CAMK2D: variants seen among roughly 807,000 people sequenced by gnomAD.
CAMK2D encodes calcium/calmodulin dependent protein kinase II delta.
In CAMK2D, 37 loss-of-function variants were observed where a neutral mutation model predicts 84.0. The ratio of observed to expected loss-of-function variants is 0.44; its 90% CI spans 0.34 to 0.58. The LOEUF (loss-of-function observed/expected upper bound fraction) is 0.58. Ranked by LOEUF, CAMK2D falls within the 20% of genes least tolerant of loss-of-function variation. The pLI, the probability that CAMK2D is intolerant of heterozygous loss-of-function variation, is 0.02. For missense variants in CAMK2D, 448 were observed against 652.5 expected (o/e 0.69, Z 3.41); for synonymous variants, 202 against 212.5 (o/e 0.95, Z 0.43).
chr4:113,745,668 C>T (rs923410808), intron 2 of CAMK2D, among the ~76,000 whole-genome samples: 40 of 152,116 alleles, frequency 2.6e-4, no homozygotes, highest in African/African-American at 9.4e-4. Flanking sequence ...ATGTTAAGCT[C>T]CCAAAGGTAT....
At chr4:113,619,071 C>T (rs952057790) in intron 3 of CAMK2D, among the ~76,000 whole-genome samples, 4 of 152,146 alleles carry the variant, frequency 2.6e-5, no homozygotes, top group African/African-American at 9.7e-5. Context: ...TCAAAGAACT[C>T]GTGATCGTCC....
At chr4:113,760,242 C>T (rs1157847112) in intron 1 of CAMK2D, among the ~76,000 whole-genome samples, 2 of 152,058 alleles carry the variant, frequency 1.3e-5, no homozygotes, top group African/African-American at 2.4e-5. Context: ...TTCTGCCAGT[C>T]GGGTGAAGGA....
intron 5 of CAMK2D, among the ~76,000 whole-genome samples, chr4:113,547,999 C>T (rs2154196205): frequency 6.6e-6 from 1 of 152,262 alleles, no homozygotes; most frequent in South Asian, 2.1e-4. Flanking sequence ...ATAAATTCTT[C>T]CAGGAAATAA....
At chr4:113,617,971 G>A (rs908976026) in intron 3 of CAMK2D, among the ~76,000 whole-genome samples, 2 of 151,588 alleles carry the variant, frequency 1.3e-5, no homozygotes, top group African/African-American at 4.9e-5. Context: ...AATATACACT[G>A]GGCCATGATA....
chr4:113,466,006 C>T (rs557950277), intron 16 of CAMK2D, among the ~76,000 whole-genome samples: 4 of 151,800 alleles, frequency 2.6e-5, no homozygotes, highest in East Asian at 3.9e-4. Context: ...AATCCCAGCA[C>T]TTTGGGAGGC....
At chr4:113,562,796 G>A (rs1393176037) in intron 4 of CAMK2D, among the ~76,000 whole-genome samples, 1 of 152,192 alleles carries the variant, frequency 6.6e-6, no homozygotes, top group Non-Finnish European at 1.5e-5. Flanking sequence ...TAATAGTTTG[G>A]TTCAATAAAT....
intron 2 of CAMK2D, among the ~76,000 whole-genome samples, chr4:113,733,168 T>C (rs947066554): frequency 1.3e-5 from 2 of 152,164 alleles, no homozygotes; most frequent in African/African-American, 4.8e-5. Context: ...TAATGACTAA[T>C]GGTGATATTC....
chr4:113,628,726 T>A lies in CAMK2D; in HGVS notation c.221-19520A>T, dbSNP rs1475815937. Among the ~76,000 whole-genome samples, 3 of 152,092 alleles carry A rather than the reference T, an allele frequency of 2.0e-5. No homozygotes were observed. The East Asian group carries it at 5.8e-4, about 29-fold the overall frequency. Reference sequence around the variant, plus strand: ...AAAAATGAAAAGAATGCCCTGTTGATGGTAAAGGTAATTTTTTTTCCTTCT... The same window carrying A: ...AAAAATGAAAAGAATGCCCTGTTGAAGGTAAAGGTAATTTTTTTTCCTTCT... On this transcript the variant is annotated intron_variant, in intron 3 of 20. Transcript: ENST00000511664.
intron 16 of CAMK2D, among the ~76,000 whole-genome samples, chr4:113,496,574 G>A (rs56795043): frequency 0.011 from 1,662 of 151,218 alleles, 38 homozygotes; most frequent in African/African-American, 0.038. Flanking sequence ...TCAGCCTCCC[G>A]AGTTGCTGGG....
At chr4:113,681,741 T>C (rs1442364236) in intron 2 of CAMK2D, among the ~76,000 whole-genome samples, 1 of 152,190 alleles carries the variant, frequency 6.6e-6, no homozygotes, top group Non-Finnish European at 1.5e-5. Context: ...GCAAAGATCA[T>C]GGATAAAGAC....
At chr4:113,462,006 T>A (rs897574536) in intron 17 of CAMK2D, among the ~76,000 whole-genome samples, 1 of 152,218 alleles carries the variant, frequency 6.6e-6, no homozygotes. Flanking sequence ...GATTGCCTGC[T>A]GGGCAGGCAT....
intron 13 of CAMK2D, among the ~76,000 whole-genome samples, chr4:113,509,170 T>C (rs1032087694): frequency 6.6e-6 from 1 of 152,188 alleles, no homozygotes; most frequent in East Asian, 1.9e-4. Flanking sequence ...AATTAAGACC[T>C]TTATAAAAAC....
At position 113,754,068 on chromosome 4, in the gene CAMK2D, T is replaced by C. The variant is rs150797326; in HGVS notation, c.160+5252A>G. ...ACACATAAAGACATGTGAATATGCT[T>C]AATGATCTATAAAGTGATTTGAAAT... On this transcript the variant is annotated intron_variant, in intron 2 of 20. Transcript: ENST00000511664. 15 of 866,394 alleles carry C rather than the reference T, an allele frequency of 1.7e-5. No homozygotes were observed. The Admixed American group carries it at 9.3e-4, about 54-fold the overall frequency. The allele number at this position is 866,394 out of a possible 1,614,324, so 53.7% of individuals were successfully genotyped here. A position where few individuals can be genotyped will look rare whatever the true frequency, so the allele number is the denominator to read the frequency against.
rs189805681 is a variant in CAMK2D, at chr4:113,582,990, C to T, written c.275+26162G>A. 1.5e-3 allele frequency among the ~76,000 whole-genome samples: 236 copies of T among 152,326 alleles called. 3 individuals are homozygous for T. The highest frequency in any genetic ancestry group is 5.4e-3 in the African/African-American group (226 of 41,578). On this transcript the variant is annotated intron_variant, in intron 4 of 20. Coordinates refer to ENST00000511664, the MANE Select transcript of CAMK2D (RefSeq NM_001321571.2). ...TATTGGGGCAGAGACAGTCTGTCCTCCCGTGACTGCTCAGCTCTTCAGTGG... is the reference window on the plus strand; with the variant it reads ...TATTGGGGCAGAGACAGTCTGTCCTTCCGTGACTGCTCAGCTCTTCAGTGG...
chr4:113,730,533 A>G (rs2099564010), intron 2 of CAMK2D, among the ~76,000 whole-genome samples: 1 of 152,236 alleles, frequency 6.6e-6, no homozygotes, highest in African/African-American at 2.4e-5. Flanking sequence ...TGCAATGTAC[A>G]CATATTGTTA....
intron 16 of CAMK2D, among the ~76,000 whole-genome samples, chr4:113,485,443 T>G (rs2097757117): frequency 6.6e-6 from 1 of 152,242 alleles, no homozygotes; most frequent in African/African-American, 2.4e-5. Context: ...TGCCTACTTG[T>G]CCTTTATCAT....
At chr4:113,716,951 C>T (rs987628868) in intron 2 of CAMK2D, among the ~76,000 whole-genome samples, 3 of 152,098 alleles carry the variant, frequency 2.0e-5, no homozygotes, top group Non-Finnish European at 4.4e-5. Context: ...AATAGTGTTC[C>T]AAGCTCTTTG....
intron 2 of CAMK2D, among the ~76,000 whole-genome samples, chr4:113,744,630 C>T (rs538264758): frequency 1.1e-4 from 17 of 152,200 alleles, no homozygotes; most frequent in Non-Finnish European, 2.1e-4. Flanking sequence ...AGCATAGCTT[C>T]TACTATCTTC....
intron 2 of CAMK2D, among the ~76,000 whole-genome samples, chr4:113,678,325 C>T (rs1158226949): frequency 1.3e-5 from 2 of 152,128 alleles, no homozygotes; most frequent in Non-Finnish European, 2.9e-5. Context: ...GTTTCCTCAG[C>T]TGTAAGACAT....
Sources: allele counts gnomAD v4.1 joint callset (sites outside exome capture counted in the v4.1 genomes callset), GRCh38; gene constraint gnomAD v4.1.1; transcripts MANE v1.5; gene names NCBI Gene and HGNC (gene_info 2026-07-23, HGNC 2026-07-21).